Variants in SRC observed in about 807,000 individuals in gnomAD.
The protein encoded by SRC is SRC proto-oncogene, non-receptor tyrosine kinase.
A neutral mutation model predicts 62.9 loss-of-function variants in SRC; 13 were observed. The ratio of observed to expected loss-of-function variants is 0.21; its 90% CI spans 0.13 to 0.33. SRC has a LOEUF of 0.33. SRC is among the 10% of genes least tolerant of loss of function. The probability of loss-of-function intolerance (pLI) is 1.00; values close to 1 mark genes in which losing one functional copy is unlikely to be tolerated. For missense variants in SRC, 457 were observed against 737.3 expected (o/e 0.62, Z 4.40); for synonymous variants, 302 against 317.5 (o/e 0.95, Z 0.52).
At chr20:37,350,108 C>T (rs747416736) in intron 1 of SRC, among the ~76,000 whole-genome samples, 20 of 152,226 alleles carry the variant, frequency 1.3e-4, no homozygotes, top group Non-Finnish European at 2.8e-4. Context: ...ACATCTCTAT[C>T]TCCCTTCGGA....
intron 1 of SRC, among the ~76,000 whole-genome samples, chr20:37,354,620 C>T (rs1009555466): frequency 6.6e-6 from 1 of 152,190 alleles, no homozygotes; most frequent in African/African-American, 2.4e-5. Flanking sequence ...TGAGGTCTGG[C>T]TTCTTATTCT....
At position 37,392,381 on chromosome 20, in the gene SRC, T is replaced by C. The variant is rs573997212; in HGVS notation, c.351-1514T>C. ...CAACTTCTCCATCTTCTATATGGGC[T>C]GAAGAATATGGCCAGGGGCAGCTCA... is the stretch of plus-strand genomic sequence containing the variant. On this transcript the variant is annotated intron_variant, in intron 5 of 13. Coordinates refer to ENST00000373578, the MANE Select transcript of SRC (RefSeq NM_198291.3). Among the ~76,000 whole-genome samples the C allele has an allele frequency of 8.5e-5, 13 of 152,294 alleles. No homozygotes were observed. The South Asian group carries it at 2.7e-3, about 32-fold the overall frequency.
intron 1 of SRC, among the ~76,000 whole-genome samples, chr20:37,358,679 T>C (rs890613026): frequency 6.6e-6 from 1 of 152,196 alleles, no homozygotes; most frequent in Non-Finnish European, 1.5e-5. Context: ...CTTTTCTGCC[T>C]GGGAGGAAGC....
intron 1 of SRC, among the ~76,000 whole-genome samples, chr20:37,356,422 TGAGGTG>T (rs2069882560): frequency 6.6e-6 from 1 of 151,794 alleles, no homozygotes; most frequent in South Asian, 2.1e-4. Flanking sequence ...GTGGCTTCAG[TGAGGTG>T]GCCCTGGTGG....
chr20:37,375,428 G>A (rs1233736721), intron 2 of SRC, among the ~76,000 whole-genome samples: 2 of 151,866 alleles, frequency 1.3e-5, no homozygotes, highest in Non-Finnish European at 2.9e-5. Flanking sequence ...GTAGAAATGG[G>A]GTTTCACCAT....
chr20:37,345,283 C>T (rs753429252), upstream of SRC, among the ~76,000 whole-genome samples: 21 of 152,094 alleles, frequency 1.4e-4, no homozygotes, highest in African/African-American at 2.7e-4. Context: ...CTGGAGCCTG[C>T]GCCAGGGGGT....
rs1341456900 is a variant in SRC at position 37,351,864 on chromosome 20, G to A, written c.-247+5609G>A. Among the ~76,000 whole-genome samples, 2 of 152,164 alleles carry A rather than the reference G, an allele frequency of 1.3e-5. No homozygotes were observed. Among genetic ancestry groups the A allele is most frequent in the Non-Finnish European group, 2.9e-5 (2 of 68,034 alleles). On this transcript the variant is annotated intron_variant, in intron 1 of 13. Coordinates refer to ENST00000373578, the MANE Select transcript of SRC (RefSeq NM_198291.3). The surrounding 1 kb of genome is among the most constrained non-coding windows in gnomAD (Gnocchi z 4.4). Reference sequence around the variant, plus strand: ...CAGACTTCTGGCTGCTGAGTAATTTGTGGGGATCTGATTCTTATTAAGTGT... The same window carrying A: ...CAGACTTCTGGCTGCTGAGTAATTTATGGGGATCTGATTCTTATTAAGTGT...
At chr20:37,368,303 A>C (rs2070097128) in intron 2 of SRC, among the ~76,000 whole-genome samples, 1 of 151,946 alleles carries the variant, frequency 6.6e-6, no homozygotes, top group South Asian at 2.1e-4. Flanking sequence ...CTGTGATCCC[A>C]GCTACTCAGG....
chr20:37,405,216 G>T lies in SRC; in HGVS notation c.*1837G>T, dbSNP rs1183633839. 1.3e-5 allele frequency: 3 copies of T among 225,378 alleles called. No homozygotes were observed. The highest frequency in any genetic ancestry group is 2.6e-5 in the Non-Finnish European group (3 of 113,800). 14.0% of individuals were successfully genotyped at this position (225,378 alleles called of 1,614,324 possible). A position where few individuals can be genotyped will look rare whatever the true frequency, so the allele number is the denominator to read the frequency against. On this transcript the variant is annotated 3_prime_UTR_variant, in exon 14 of 14. Coordinates refer to ENST00000373578, the MANE Select transcript of SRC (RefSeq NM_198291.3). ...CTGCCTAAGGCCCTTTGTGTAAGGT[G>T]TCTTAATACTGTCCTTTTTTTTTTT...
In SRC at chr20:37,405,996, G is replaced by A. The variant is rs769322806; in HGVS notation, c.*2617G>A. On this transcript the variant is annotated 3_prime_UTR_variant, in exon 14 of 14. Coordinates refer to ENST00000373578, the MANE Select transcript of SRC (RefSeq NM_198291.3). ...ACATCAGATCACACACCTGTGCACC[G>A]GAGTCAACTCTGGCCACGACATTGC... 5 of 152,194 alleles carry A rather than the reference G, an allele frequency of 3.3e-5. No individual in the cohort carries two copies. The highest frequency in any genetic ancestry group is 1.2e-4 in the African/African-American group (5 of 41,414). 9.4% of individuals were successfully genotyped at this position (152,194 alleles called of 1,614,324 possible).
At position 37,403,021 on chromosome 20, in the gene SRC, G is replaced by A. The variant is rs2070765701; in HGVS notation, c.1402+141G>A. 2 of 1,331,250 alleles carry A rather than the reference G, an allele frequency of 1.5e-6. No homozygotes were observed. The highest frequency in any genetic ancestry group is 2.0e-6 in the Non-Finnish European group (2 of 993,486). 82.5% of individuals were successfully genotyped at this position (1,331,250 alleles called of 1,614,324 possible). A position where few individuals can be genotyped will look rare whatever the true frequency, so the allele number is the denominator to read the frequency against. On this transcript the variant is annotated intron_variant, in intron 13 of 13. Coordinates refer to ENST00000373578, the MANE Select transcript of SRC (RefSeq NM_198291.3). This position sits in a 1 kb window ranked among gnomAD's most constrained non-coding sequence, Gnocchi z 7.1. ...GCGTCTGATGTTAGGCTCTCTCGAT[G>A]GTCCATGCTCTCAGCTTCGGGGACA... is the stretch of plus-strand genomic sequence containing the variant.
At chr20:37,361,893 G>T (rs1305602233) in intron 1 of SRC, among the ~76,000 whole-genome samples, 1 of 143,120 alleles carries the variant, frequency 7.0e-6, no homozygotes, top group Non-Finnish European at 1.5e-5. Context: ...GGGTCTCTGT[G>T]TGCAGGTAGA....
intron 1 of SRC, among the ~76,000 whole-genome samples, chr20:37,360,631 G>A (rs938385400): frequency 2.0e-5 from 3 of 152,108 alleles, no homozygotes; most frequent in African/African-American, 4.8e-5. Flanking sequence ...GCCATAAAGC[G>A]AGGTTCATAA....
In SRC at chr20:37,402,506, G is replaced by A; in HGVS notation, c.1188G>A (p.Leu396=). The A allele has an allele frequency of 6.2e-7, 1 of 1,614,102 alleles. No individual in the cohort carries two copies. The highest frequency in any genetic ancestry group is 8.5e-7 in the Non-Finnish European group (1 of 1,180,026). Residue 396 remains leucine, a synonymous_variant, in exon 12 of 14, where the codon CTG becomes CTA. Coordinates refer to ENST00000373578, the MANE Select transcript of SRC (RefSeq NM_198291.3). The surrounding 1 kb of genome is among the most constrained non-coding windows in gnomAD (Gnocchi z 6.2). ...GGGACCTTCGTGCAGCCAACATCCT[G>A]GTGGGAGAGAACCTGGTGTGCAAAG... is the stretch of plus-strand genomic sequence containing the variant. ...VHRDLRAANI[L]VGENLVCKVA... is the part of the protein sequence containing the mutation.
intron 11 of SRC, 123 bp downstream of exon 11, chr20:37,401,801 T>C (rs1010144898): frequency 8.0e-6 from 5 of 624,964 alleles, no homozygotes; most frequent in Non-Finnish European, 1.3e-5. Flanking sequence ...GCCTCCACAC[T>C]CACTGATCTT....
rs1487039786 is a variant in SRC at position 37,384,403 on chromosome 20, G to A, written c.250G>A (p.Gly84Ser). The stretch of plus-strand genomic sequence containing the variant: ...CCCGCAGAGGGCGGGCCCGCTGGCC[G>A]GTCAGTGCGCGGGCGGCGCGGGGTC... ...TSPQRAGPLA[G>S]GVTTFVALYD... The change falls in exon 4 of 14, where the codon GGT becomes AGT. Residue 84 changes from glycine to serine, a missense_variant and splice_region_variant. By Grantham distance (56) the Gly-to-Ser change is moderately conservative. Around this residue, in one of 4 missense-constraint regions of SRC, gnomAD observed 132 missense variants for 135.4 expected, o/e 0.98. Coordinates refer to ENST00000373578, the MANE Select transcript of SRC (RefSeq NM_198291.3). The surrounding 1 kb of genome is among the most constrained non-coding windows in gnomAD (Gnocchi z 6.7). 2.8e-6 allele frequency: 4 copies of A among 1,409,720 alleles called. No homozygotes were observed. The highest frequency in any genetic ancestry group is 2.9e-5 in the South Asian group (2 of 68,240). 87.3% of individuals were successfully genotyped at this position (1,409,720 alleles called of 1,614,324 possible). A position where few individuals can be genotyped will look rare whatever the true frequency, so the allele number is the denominator to read the frequency against.
In SRC at chr20:37,396,284, C is replaced by G; in HGVS notation, c.676C>G (p.Leu226Val). 1 of 1,613,816 alleles carries G rather than the reference C, an allele frequency of 6.2e-7. No homozygotes were observed. The highest frequency in any genetic ancestry group is 2.2e-5 in the East Asian group (1 of 44,880). ...YITSRTQFNS[L>V]QQLVAYYSKH... Reference sequence around the variant, plus strand: ...CACCTCCCGCACCCAGTTCAACAGCCTGCAGCAGCTGGTGGCCTACTACTC... The same window carrying G: ...CACCTCCCGCACCCAGTTCAACAGCGTGCAGCAGCTGGTGGCCTACTACTC... Residue 226 changes from leucine to valine, a missense_variant, in exon 8 of 14, where the codon CTG becomes GTG. Coordinates refer to ENST00000373578, the MANE Select transcript of SRC (RefSeq NM_198291.3). The surrounding 1 kb of genome is among the most constrained non-coding windows in gnomAD (Gnocchi z 6.1).
At chr20:37,378,238 C>T (rs2070307333) in intron 2 of SRC, among the ~76,000 whole-genome samples, 7 of 149,004 alleles carry the variant, frequency 4.7e-5, no homozygotes, top group Admixed American at 4.7e-4. Flanking sequence ...TGATAGCTCA[C>T]TGCAGCCTCA....
At chr20:37,353,564 A>G (rs991240617) in intron 1 of SRC, among the ~76,000 whole-genome samples, 1 of 152,114 alleles carries the variant, frequency 6.6e-6, no homozygotes, top group Non-Finnish European at 1.5e-5. Flanking sequence ...TCATTCCTCC[A>G]GCACGGAGTT....
Sources: gnomAD v4.1 joint callset for allele counts (sites outside exome capture counted in the v4.1 genomes callset) on GRCh38, gnomAD v4.1.1 for gene constraint, gnomAD v4.1.1 regional missense constraint, Gnocchi (gnomAD v3.1) non-coding constraint, MANE v1.5 for transcripts, NCBI Gene and HGNC (gene_info 2026-07-23, HGNC 2026-07-21) for gene names.